CDH3: variants seen among roughly 807,000 people sequenced by gnomAD.
The protein encoded by CDH3 is cadherin-3.
CDH3 carries 54 observed loss-of-function variants against 82.0 expected under a neutral mutation model. That is an observed-to-expected ratio of 0.66 (90% CI 0.53 to 0.83). The LOEUF is 0.83. CDH3 is among the 40% of genes least tolerant of loss of function. The pLI is 0.00. For synonymous variants in CDH3, 446 were observed against 437.9 expected, an observed-to-expected ratio of 1.02 and a Z score of -0.23; for missense variants, 1,054 against 1,084.6, an observed-to-expected ratio of 0.97 and a Z score of 0.40.
chr16:68,657,889 G>A (rs910618779), intron 2 of CDH3, among the ~76,000 whole-genome samples: 2 of 152,146 alleles, frequency 1.3e-5, no homozygotes, highest in African/African-American at 4.8e-5. Context: ...GCTAGGAGGA[G>A]TAGAAGGTAT....
downstream of CDH3, among the ~76,000 whole-genome samples, chr16:68,731,392 AAAAATAT>A (rs1322613193): frequency 7.7e-5 from 2 of 25,830 alleles, 1 homozygote; most frequent in African/African-American, 4.2e-4. Flanking sequence ...AAAAAAAAAA[AAAAATAT>A]ATATATATAT....
At chr16:68,648,062 C>T (rs573876371) in intron 2 of CDH3, among the ~76,000 whole-genome samples, 1 of 152,336 alleles carries the variant, frequency 6.6e-6, no homozygotes, top group African/African-American at 2.4e-5. Context: ...ATCCTCCTAA[C>T]ATTCCCTTGA....
At chr16:68,723,367 T>C (rs1962184970) in intron 2 of CDH3, among the ~76,000 whole-genome samples, 1 of 152,042 alleles carries the variant, frequency 6.6e-6, no homozygotes, top group South Asian at 2.1e-4. Context: ...TGAAAAGCAA[T>C]AAACAGCATC....
chr16:68,733,715 C>T, the CDH3 span, among the ~76,000 whole-genome samples: 9,708 of 152,194 alleles, frequency 0.064, 747 homozygotes, highest in African/African-American at 0.19. Flanking sequence ...GCACTCCAGC[C>T]GGGGCAACAG....
chr16:68,724,645 G>T (rs1029426565), intron 2 of CDH3, among the ~76,000 whole-genome samples: 1 of 150,742 alleles, frequency 6.6e-6, no homozygotes, highest in Non-Finnish European at 1.5e-5. Flanking sequence ...AAAAAAAAAT[G>T]GTCTCGAGAC....
At chr16:68,732,673 C>A in the CDH3 span, among the ~76,000 whole-genome samples, 1 of 152,172 alleles carries the variant, frequency 6.6e-6, no homozygotes, top group African/African-American at 2.4e-5. Context: ...TTTGGGTTTT[C>A]CCCAGTTGAG....
In CDH3 at chr16:68,700,189, C is replaced by T. The variant is rs1267819066; in HGVS notation, c.*1789C>T. ...CAGTGATAGAACAATTCTGTTTGTG[C>T]CCTTGTTAACGTGAAGTTCAAAGTC... On this transcript the variant is annotated 3_prime_UTR_variant, in exon 16 of 16. Coordinates refer to ENST00000264012, the MANE Select transcript of CDH3 (RefSeq NM_001793.6). The T allele has an allele frequency of 3.3e-5, 5 of 152,206 alleles. No individual in the cohort carries two copies. The highest frequency in any genetic ancestry group is 7.3e-5 in the Non-Finnish European group (5 of 68,032). 9.4% of individuals were successfully genotyped at this position (152,206 alleles called of 1,614,324 possible).
chr16:68,731,042 A>ATAT (rs1962278382), downstream of CDH3, among the ~76,000 whole-genome samples: 1 of 31,454 alleles, frequency 3.2e-5, no homozygotes. Flanking sequence ...AAAAAAAAAA[A>ATAT]AAAAAATATA....
At chr16:68,658,058 C>T (rs77075798) in intron 2 of CDH3, among the ~76,000 whole-genome samples, 1,967 of 138,958 alleles carry the variant, frequency 0.014, 22 homozygotes, top group Non-Finnish European at 0.022. Context: ...CAGTCTTTTT[C>T]TTTCTTTTTT....
intron 1 of CDH3, among the ~76,000 whole-genome samples, chr16:68,711,806 A>C (rs1474554446): frequency 1.3e-5 from 2 of 152,052 alleles, no homozygotes; most frequent in Non-Finnish European, 2.9e-5. Context: ...GAGCAGAGGA[A>C]CCCTGCTTGT....
chr16:68,660,729 C>A (rs1960544609), intron 2 of CDH3, among the ~76,000 whole-genome samples: 1 of 152,084 alleles, frequency 6.6e-6, no homozygotes, highest in Admixed American at 6.6e-5. Context: ...GAGGCCGAGG[C>A]CGGCAGATCA....
chr16:68,689,522 C>T (rs553336521), intron 12 of CDH3, among the ~76,000 whole-genome samples: 13 of 148,210 alleles, frequency 8.8e-5, no homozygotes, highest in South Asian at 4.3e-4. Flanking sequence ...GGTGACAGAG[C>T]GAGACTCTGT....
At chr16:68,684,894 G>A (rs570695743) in intron 10 of CDH3, 70 bp downstream of exon 10, 36 of 1,575,882 alleles carry the variant, frequency 2.3e-5, no homozygotes, top group Non-Finnish European at 2.7e-5. Context: ...CATGGCCAAC[G>A]TTTGTTCTGA....
At chr16:68,693,376 C>G (rs1961627169) in intron 13 of CDH3, among the ~76,000 whole-genome samples, 1 of 151,992 alleles carries the variant, frequency 6.6e-6, no homozygotes, top group Non-Finnish European at 1.5e-5. Context: ...GAGGCTCAGG[C>G]TAGGATGGCA....
Position 68,678,126 on chromosome 16 carries a change from C to G in CDH3, c.247-8C>G. The G allele has an allele frequency of 6.2e-7, 1 of 1,613,452 alleles. No homozygotes were observed. Among genetic ancestry groups the G allele is most frequent in the Non-Finnish European group, 8.5e-7 (1 of 1,179,430 alleles). On this transcript the variant is annotated splice_region_variant and splice_polypyrimidine_tract_variant and intron_variant, in intron 3 of 15. Coordinates refer to ENST00000264012, the MANE Select transcript of CDH3 (RefSeq NM_001793.6). Reference sequence around the variant, plus strand: ...CACATCTGGGTTAAGGAGTTTCTCTCCTTGCAGGAAAGAAGGTCACTGAAG... The same window carrying G: ...CACATCTGGGTTAAGGAGTTTCTCTGCTTGCAGGAAAGAAGGTCACTGAAG...
downstream of CDH3, among the ~76,000 whole-genome samples, chr16:68,729,307 A>G (rs1408492049): frequency 6.6e-6 from 1 of 152,210 alleles, no homozygotes; most frequent in East Asian, 1.9e-4. Context: ...TCCGTCTCAG[A>G]AAAATATATA....
At chr16:68,685,458 C>A in intron 11 of CDH3, 108 bp downstream of exon 11, 2 of 1,246,538 alleles carry the variant, frequency 1.6e-6, no homozygotes, top group South Asian at 1.2e-5. Context: ...TCGAGGAGGG[C>A]TATTTGCAAA....
chr16:68,683,981 C>G, intron 9 of CDH3, among the ~76,000 whole-genome samples: 1 of 149,818 alleles, frequency 6.7e-6, no homozygotes, highest in East Asian at 2.0e-4. Context: ...GCAGGAGAAT[C>G]GCTTGATCTC....
intron 2 of CDH3, among the ~76,000 whole-genome samples, chr16:68,723,080 T>C (rs999313181): frequency 6.0e-5 from 9 of 151,160 alleles, no homozygotes; most frequent in South Asian, 2.1e-4. Flanking sequence ...TTAGAGATAA[T>C]ATTTGACATA....
Sources: gnomAD v4.1 joint callset for allele counts (sites outside exome capture counted in the v4.1 genomes callset) on GRCh38, gnomAD v4.1.1 for gene constraint, MANE v1.5 for transcripts, NCBI Gene and HGNC (gene_info 2026-07-23, HGNC 2026-07-21) for gene names.